Variants in CTBP1 observed in about 807,000 individuals in gnomAD.
CTBP1 encodes the protein C-terminal binding protein 1.
In CTBP1, 11 loss-of-function variants were observed where a neutral mutation model predicts 42.1. The observed-to-expected ratio is 0.26, with a 90% CI of 0.16 to 0.43. CTBP1 has a LOEUF of 0.43. Ranked by LOEUF, CTBP1 falls within the 20% of genes least tolerant of loss-of-function variation. The probability of loss-of-function intolerance (pLI) is 1.00; values close to 1 mark genes in which losing one functional copy is unlikely to be tolerated. For missense variants in CTBP1, 399 were observed against 624.3 expected, an observed-to-expected ratio of 0.64 and a Z score of 3.85; for synonymous variants, 324 against 277.1, an observed-to-expected ratio of 1.17 and a Z score of -1.68.
Position 1,243,298 on chromosome 4 carries a change from T to C in CTBP1, c.-188-1779A>G, listed in dbSNP as rs920561746. 1.6e-5 allele frequency: 16 copies of C among 985,284 alleles called. No homozygotes were observed. In the African/African-American group the frequency reaches 2.8e-4, roughly 17 times the overall value. The allele number at this position is 985,284 out of a possible 1,614,324, so 61.0% of individuals were successfully genotyped here. On this transcript the variant is annotated intron_variant, in intron 1 of 9. Coordinates refer to ENST00000382952, the MANE Select transcript of CTBP1 (RefSeq NM_001012614.2). Reference sequence around the variant, plus strand: ...TGTGTGAAGGCCACCCTGGCCCTCCTGAAAGGACCCTGCAGTGAGGAGGCC... The same window carrying C: ...TGTGTGAAGGCCACCCTGGCCCTCCCGAAAGGACCCTGCAGTGAGGAGGCC...
At chr4:1,213,106 C>A (rs1304422790) in intron 8 of CTBP1, 76 bp from the exon 9 acceptor site, 2 of 1,240,378 alleles carry the variant, frequency 1.6e-6, no homozygotes, top group African/African-American at 1.5e-5. Context: ...GTTGAAGACA[C>A]GGGCAGCAGG....
At chr4:1,214,213 C>G in intron 7 of CTBP1, 130 bp downstream of exon 7, 1 of 1,243,632 alleles carries the variant, frequency 8.0e-7, no homozygotes, top group Non-Finnish European at 1.1e-6. Context: ...GGCAAACTCC[C>G]CCACTGCTGG....
intron 3 of CTBP1, chr4:1,236,322 C>A: frequency 2.6e-6 from 1 of 388,148 alleles, no homozygotes; most frequent in Non-Finnish European, 4.7e-6. Flanking sequence ...GTCTCCTGAG[C>A]AAACAAGAAT....
intron 4 of CTBP1, among the ~76,000 whole-genome samples, chr4:1,226,479 T>G (rs1009216897): frequency 2.0e-4 from 30 of 151,606 alleles, no homozygotes; most frequent in African/African-American, 6.8e-4. Context: ...AGGCAGGGGC[T>G]GCATAGCCCC....
At chr4:1,217,664 G>A (rs1349969573) in intron 5 of CTBP1, 1 of 152,266 alleles carries the variant, frequency 6.6e-6, no homozygotes, top group Non-Finnish European at 1.5e-5. Flanking sequence ...TGACACGGGA[G>A]AGCAGCGGCT....
chr4:1,240,690 G>A (rs1165510922), intron 2 of CTBP1, among the ~76,000 whole-genome samples: 1 of 152,144 alleles, frequency 6.6e-6, no homozygotes, highest in African/African-American at 2.4e-5. Flanking sequence ...GGGGGAGCAG[G>A]TGGAGACACC....
rs1376031386 is a variant in CTBP1, at chr4:1,212,234, C to T, written c.*6G>A. 6.8e-7 allele frequency: 1 copy of T among 1,461,908 alleles called. No homozygotes were observed. The highest frequency in any genetic ancestry group is 2.0e-4 in the Middle Eastern group (1 of 5,026). The allele number at this position is 1,461,908 out of a possible 1,614,324, so 90.6% of individuals were successfully genotyped here. On this transcript the variant is annotated 3_prime_UTR_variant, in exon 10 of 10. Coordinates refer to ENST00000382952, the MANE Select transcript of CTBP1 (RefSeq NM_001012614.2). ...CAGGCGCCGAGGCTGGAGAGCTCCTCCCGGGCTACAACTGGTCACTGGCGT... is the reference window on the plus strand; with the variant it reads ...CAGGCGCCGAGGCTGGAGAGCTCCTTCCGGGCTACAACTGGTCACTGGCGT...
At chr4:1,240,954 G>A (rs947471417) in intron 2 of CTBP1, among the ~76,000 whole-genome samples, 8 of 152,240 alleles carry the variant, frequency 5.3e-5, no homozygotes, top group South Asian at 4.1e-4. Flanking sequence ...CAGGGGCCAC[G>A]GCCCTGCTCC....
intron 1 of CTBP1, chr4:1,242,389 G>C (rs1256573783): frequency 1.0e-6 from 1 of 985,256 alleles, no homozygotes; most frequent in Admixed American, 6.1e-5. Flanking sequence ...CACCAGCCCA[G>C]CAGCATGGCA....
chr4:1,241,214 G>T, intron 2 of CTBP1, 111 bp downstream of exon 2: 3 of 772,808 alleles, frequency 3.9e-6, no homozygotes, highest in Non-Finnish European at 7.2e-6. Context: ...CCGGCCCGAC[G>T]CCCATGCAGC....
intron 1 of CTBP1, among the ~76,000 whole-genome samples, chr4:1,247,771 G>GGGGA (rs1732881642): frequency 6.8e-6 from 1 of 146,546 alleles, no homozygotes; most frequent in Non-Finnish European, 1.5e-5. Flanking sequence ...CCGGGGAGGG[G>GGGGA]GGGGGGGCTC....
chr4:1,212,978 G>A lies in CTBP1; in HGVS notation c.1041C>T (p.Ala347=), dbSNP rs374246733. Residue 347 remains alanine, a synonymous_variant, in exon 9 of 10, where the codon GCC becomes GCT. Transcript: ENST00000382952. ...KNCVNKDHLT[A]ATHWASMDPA... is the part of the protein sequence containing the mutation. ...GGTCCATGCTGGCCCAGTGGGTGGC[G>A]GCTGTCAGATGGTCCTTGTTGACAC... is the stretch of plus-strand genomic sequence containing the variant. 53 of 1,613,784 alleles carry A rather than the reference G, an allele frequency of 3.3e-5. No homozygotes were observed. The highest frequency in any genetic ancestry group is 3.6e-5 in the Non-Finnish European group (42 of 1,179,998).
chr4:1,241,592 C>T lies in CTBP1; in HGVS notation c.-188-73G>A, dbSNP rs930060142. 6.0e-5 allele frequency: 89 copies of T among 1,481,846 alleles called. 1 individual carries two copies. The East Asian group carries it at 6.5e-4, about 11-fold the overall frequency. 91.8% of individuals were successfully genotyped at this position (1,481,846 alleles called of 1,614,324 possible). On this transcript the variant is annotated intron_variant, in intron 1 of 9. Transcript: ENST00000382952. Reference sequence around the variant, plus strand: ...ACCAGAACTCACAGACTCCAGGGAACGCCTCAGAAGTGGACCTCACTGCAT... The same window carrying T: ...ACCAGAACTCACAGACTCCAGGGAATGCCTCAGAAGTGGACCTCACTGCAT...
At chr4:1,247,313 C>T (rs1732817691) in intron 1 of CTBP1, among the ~76,000 whole-genome samples, 3 of 152,166 alleles carry the variant, frequency 2.0e-5, no homozygotes, top group Admixed American at 2.0e-4. Flanking sequence ...CGTGTCCCTC[C>T]CAGAGCTCTG....
intron 2 of CTBP1, among the ~76,000 whole-genome samples, chr4:1,240,844 G>A (rs1449434998): frequency 6.6e-6 from 1 of 152,186 alleles, no homozygotes; most frequent in East Asian, 1.9e-4. Flanking sequence ...CACGGCCTGT[G>A]CTGAAGCAGG....
chr4:1,220,454 G>A (rs778570164), intron 5 of CTBP1, among the ~76,000 whole-genome samples: 11 of 152,156 alleles, frequency 7.2e-5, no homozygotes, highest in Admixed American at 1.3e-4. Flanking sequence ...ATGTCCCGAA[G>A]GTTCAATATT....
At chr4:1,237,107 G>T in intron 3 of CTBP1, 1 of 668,032 alleles carries the variant, frequency 1.5e-6, no homozygotes, top group Non-Finnish European at 2.7e-6. Flanking sequence ...TGAGGCTCAG[G>T]AGAAACCGAG....
upstream of CTBP1, chr4:1,249,759 CG>C (rs1196776948): frequency 1.5e-5 from 5 of 343,928 alleles, no homozygotes; most frequent in Non-Finnish European, 3.0e-5. Context: ...CTGCCCGGCC[CG>C]GGAAGTTCAG....
At chr4:1,228,160 G>T in intron 4 of CTBP1, 39 bp downstream of exon 4, 1 of 1,609,078 alleles carries the variant, frequency 6.2e-7, no homozygotes, top group Non-Finnish European at 8.5e-7. Flanking sequence ...GACGGAGCTT[G>T]CATGAATGGG....
Sources: gnomAD v4.1 joint callset for allele counts (sites outside exome capture counted in the v4.1 genomes callset) on GRCh38, gnomAD v4.1.1 for gene constraint, MANE v1.5 for transcripts, NCBI Gene and HGNC (gene_info 2026-07-23, HGNC 2026-07-21) for gene names.